The following IL16 variants were observed in gnomAD, a reference collection of about 807,000 sequenced individuals.
IL16 encodes the protein pro-interleukin-16.
A neutral mutation model predicts 110.1 loss-of-function variants in IL16; 67 were observed. That is an observed-to-expected ratio of 0.61 (90% CI 0.50 to 0.75). The LOEUF (loss-of-function observed/expected upper bound fraction) is 0.75. IL16 is among the 30% of genes least tolerant of loss of function. The probability of loss-of-function intolerance (pLI) is 0.00; values close to 1 mark genes in which losing one functional copy is unlikely to be tolerated. For synonymous variants in IL16, 689 were observed against 662.9 expected (o/e 1.04, Z -0.61); for missense variants, 1,545 against 1,655.0 (o/e 0.93, Z 1.15).
chr15:81,186,697 T>C (rs1037268834), intron 1 of IL16, among the ~76,000 whole-genome samples: 1 of 152,264 alleles, frequency 6.6e-6, no homozygotes, highest in Non-Finnish European at 1.5e-5. Context: ...GAGGAAAGAA[T>C]TGTAGTCAAC....
chr15:81,203,554 C>T (rs1470579439), intron 1 of IL16, among the ~76,000 whole-genome samples: 2 of 151,824 alleles, frequency 1.3e-5, no homozygotes, highest in East Asian at 1.9e-4. Context: ...AGCCAGTTTT[C>T]CCAGCACCAT....
At position 81,198,694 on chromosome 15, in the gene IL16, T is replaced by A. The variant is rs566603107; in HGVS notation, c.-102+1542T>A. On this transcript the variant is annotated intron_variant, in intron 1 of 18. Coordinates refer to ENST00000683961, the MANE Select transcript of IL16 (RefSeq NM_172217.5). Reference sequence around the variant, plus strand: ...GGTTCCCAGCAGTGGCCCAGGGGTATAGGAGTGAGAGGGAGGGAGGTACAC... The same window carrying A: ...GGTTCCCAGCAGTGGCCCAGGGGTAAAGGAGTGAGAGGGAGGGAGGTACAC... 9.4e-3 allele frequency among the ~76,000 whole-genome samples: 935 copies of A among 99,514 alleles called. 7 individuals carry two copies. The highest frequency in any genetic ancestry group is 0.011 in the Non-Finnish European group (607 of 55,930). The allele number at this position is 99,514 out of a possible 152,430, so 65.3% of individuals were successfully genotyped here.
intron 4 of IL16, among the ~76,000 whole-genome samples, chr15:81,266,573 T>G (rs1194810980): frequency 6.6e-6 from 1 of 152,302 alleles, no homozygotes; most frequent in East Asian, 1.9e-4. Flanking sequence ...AAGCACGCTG[T>G]GCTGCACGCT....
chr15:81,214,451 C>T (rs988604740), intron 1 of IL16, among the ~76,000 whole-genome samples: 22 of 152,160 alleles, frequency 1.4e-4, no homozygotes, highest in Non-Finnish European at 2.9e-4. Flanking sequence ...AATAGGCCCC[C>T]AATCTCTTCT....
chr15:81,311,263 C>G lies in IL16; in HGVS notation c.*2465C>G, dbSNP rs1449342483. Reference sequence around the variant, plus strand: ...AAAAAGGAATCCACTCCCAGGCAGCCCTACTTCTTTGCTTTGCCCAGCATT... The same window carrying G: ...AAAAAGGAATCCACTCCCAGGCAGCGCTACTTCTTTGCTTTGCCCAGCATT... On this transcript the variant is annotated 3_prime_UTR_variant, in exon 19 of 19. Coordinates refer to ENST00000683961, the MANE Select transcript of IL16 (RefSeq NM_172217.5). 1 of 152,212 alleles carries G rather than the reference C, an allele frequency of 6.6e-6. No individual in the cohort carries two copies. The highest frequency in any genetic ancestry group is 1.5e-5 in the Non-Finnish European group (1 of 68,036). The allele number at this position is 152,212 out of a possible 1,614,324, so 9.4% of individuals were successfully genotyped here. A position where few individuals can be genotyped will look rare whatever the true frequency, so the allele number is the denominator to read the frequency against.
rs572690852 is a variant in IL16, at chr15:81,300,451, C to T, written c.3125C>T (p.Ala1042Val). The change falls in exon 14 of 19, where the codon GCC becomes GTC. Residue 1042 changes from alanine to valine, a missense_variant. By Grantham distance (64) the Ala-to-Val change is moderately conservative. Around this residue, in one of 3 missense-constraint regions of IL16, gnomAD observed 356 missense variants for 399.3 expected, o/e 0.89. Transcript: ENST00000683961. The part of the protein sequence containing the change: ...SAANGSAETS[A>V]LDTGFSLNLS... ...GCAAATGGTTCTGCTGAAACATCTGCCTTGGACACAGGGTTCTCGCTCAAG... is the reference window on the plus strand; with the variant it reads ...GCAAATGGTTCTGCTGAAACATCTGTCTTGGACACAGGGTTCTCGCTCAAG... 114 of 1,613,574 alleles carry T rather than the reference C, an allele frequency of 7.1e-5. No homozygotes were observed. Among genetic ancestry groups the T allele is most frequent in the Non-Finnish European group, 9.5e-5 (112 of 1,179,546 alleles).
rs1898544156 is a variant in IL16, at chr15:81,269,595, G to A, written c.622G>A (p.Gly208Ser). 1.2e-6 allele frequency: 2 copies of A among 1,614,130 alleles called. No homozygotes were observed. The highest frequency in any genetic ancestry group is 2.7e-5 in the African/African-American group (2 of 75,034). Residue 208 changes from glycine (G) to serine (S), a missense_variant, in exon 5 of 19, where the codon GGC becomes AGC. By Grantham distance (56) the Gly-to-Ser change is moderately conservative. This residue lies in a region of IL16 where 1,185 missense variants were observed against 1,238.8 expected (regional missense o/e 0.96). Transcript: ENST00000683961. Reference sequence around the variant, plus strand: ...AGCTCAGCTCGTGCAGCCATCTGGGGGCCTCCAGGCTTCAGTCATCTCCAA... The same window carrying A: ...AGCTCAGCTCGTGCAGCCATCTGGGAGCCTCCAGGCTTCAGTCATCTCCAA... ...STAQLVQPSGGLQASVISNIV... is the reference protein window; with the variant it reads ...STAQLVQPSGSLQASVISNIV...
chr15:81,188,196 G>C (rs1895444437), intron 1 of IL16, among the ~76,000 whole-genome samples: 1 of 152,206 alleles, frequency 6.6e-6, no homozygotes, highest in Non-Finnish European at 1.5e-5. Context: ...CTAGCAAGAT[G>C]AATACAAAAA....
intron 2 of IL16, among the ~76,000 whole-genome samples, chr15:81,231,399 G>T (rs536541655): frequency 3.8e-5 from 5 of 130,986 alleles, no homozygotes; most frequent in Admixed American, 1.8e-4. Flanking sequence ...TTAAGACAGG[G>T]TCTTGCTTTG....
Position 81,265,716 on chromosome 15 carries a change from C to G in IL16, c.479C>G (p.Ala160Gly), listed in dbSNP as rs1898346853. Residue 160 changes from alanine (A) to glycine (G), a missense_variant, in exon 4 of 19, where the codon GCG (alanine) becomes GGG (glycine). This residue lies in a region of IL16 where 1,185 missense variants were observed against 1,238.8 expected (regional missense o/e 0.96). Transcript: ENST00000683961. The part of the protein sequence containing the change: ...IDFPMTKKSA[A>G]PTDRQPYSLC... ...TTTCCAATGACCAAGAAATCTGCAG[C>G]GCCCACGGACAGGCAGCCTTACTCT... 3 of 1,613,632 alleles carry G rather than the reference C, an allele frequency of 1.9e-6. No individual in the cohort carries two copies. The highest frequency in any genetic ancestry group is 2.5e-6 in the Non-Finnish European group (3 of 1,179,754).
intron 2 of IL16, among the ~76,000 whole-genome samples, chr15:81,233,393 G>A (rs1481055574): frequency 1.3e-5 from 2 of 151,064 alleles, no homozygotes; most frequent in East Asian, 3.9e-4. Context: ...TATTTTTTAG[G>A]CATTGGTAAA....
intron 2 of IL16, among the ~76,000 whole-genome samples, chr15:81,231,320 G>GTCTCTCTCTCTCTC: frequency 2.0e-5 from 1 of 50,982 alleles, no homozygotes; most frequent in African/African-American, 5.8e-5. Context: ...CCCAAGGTCG[G>GTCTCTCTCTCTCTC]TCTGTCTCTC....
At position 81,285,806 on chromosome 15, in the gene IL16, T is replaced by C. The variant is rs898048415; in HGVS notation, c.1308T>C (p.Ile436=). Reference sequence around the variant, plus strand: ...GTGATCCCGGTCCAGTCCCCATCATTGTTAGCCGACATCCAGACCCACAGG... The same window carrying C: ...GTGATCCCGGTCCAGTCCCCATCATCGTTAGCCGACATCCAGACCCACAGG... ...SHCDPGPVPI[I]VSRHPDPQVS... The change falls in exon 10 of 19, where the codon ATT becomes ATC. Residue 436 remains isoleucine, a synonymous_variant. Transcript: ENST00000683961. The C allele has an allele frequency of 4.3e-6, 7 of 1,614,110 alleles. No individual in the cohort carries two copies. Among genetic ancestry groups the C allele is most frequent in the African/African-American group, 2.7e-5 (2 of 74,938 alleles).
chr15:81,234,237 T>C (rs958461840), intron 2 of IL16, among the ~76,000 whole-genome samples: 4 of 152,124 alleles, frequency 2.6e-5, no homozygotes, highest in African/African-American at 4.8e-5. Context: ...TGTAGGTGTT[T>C]ACACTATTTA....
At chr15:81,240,458 A>G (rs1186938567) in intron 2 of IL16, among the ~76,000 whole-genome samples, 4 of 151,948 alleles carry the variant, frequency 2.6e-5, no homozygotes. Context: ...GGTTATACCA[A>G]TCTACCCTTC....
rs1900839751 is a variant in IL16 at position 81,311,296 on chromosome 15, T to C, written c.*2498T>C. ...TTTGCTTTGCCCAGCATTTTACTGA[T>C]TCATACATTATCTCACTTGTGCCAA... is the stretch of plus-strand genomic sequence containing the variant. On this transcript the variant is annotated 3_prime_UTR_variant, in exon 19 of 19. Transcript: ENST00000683961. 6.6e-6 allele frequency: 1 copy of C among 152,248 alleles called. No homozygotes were observed. Among genetic ancestry groups the C allele is most frequent in the Non-Finnish European group, 1.5e-5 (1 of 68,044 alleles). The allele number at this position is 152,248 out of a possible 1,614,324, so 9.4% of individuals were successfully genotyped here.
rs755261386 is a variant in IL16, at chr15:81,290,462, C to A, written c.1342C>A (p.Gln448Lys). The A allele has an allele frequency of 6.2e-7, 1 of 1,612,308 alleles. No individual in the cohort carries two copies. The highest frequency in any genetic ancestry group is 8.5e-7 in the Non-Finnish European group (1 of 1,179,076). ...SRHPDPQVSE[Q>K]QLKEAVAQAV... ...GACTGATATTTTCTAGGTCTCTGAA[C>A]AGCAACTCAAAGAAGCTGTGGCCCA... is the stretch of plus-strand genomic sequence containing the variant. The change falls in exon 11 of 19, where the codon CAG (glutamine) becomes AAG (lysine). Residue 448 changes from glutamine to lysine, a missense_variant. By Grantham distance (53) the Gln-to-Lys change is moderately conservative. Transcript: ENST00000683961.
intron 4 of IL16, 76 bp from the exon 5 acceptor site, chr15:81,269,462 T>A: frequency 1.0e-6 from 1 of 998,292 alleles, no homozygotes; most frequent in Non-Finnish European, 1.6e-6. Context: ...TTGGCTGGGC[T>A]TTTCCCCTTC....
intron 2 of IL16, among the ~76,000 whole-genome samples, chr15:81,228,189 A>G (rs1389628144): frequency 6.6e-6 from 1 of 152,126 alleles, no homozygotes; most frequent in Non-Finnish European, 1.5e-5. Flanking sequence ...CCTTGTACCT[A>G]TTCCACAGCA....
Sources: allele counts gnomAD v4.1 joint callset (sites outside exome capture counted in the v4.1 genomes callset), GRCh38; gene constraint gnomAD v4.1.1; regional missense constraint gnomAD v4.1.1; transcripts MANE v1.5; gene names NCBI Gene and HGNC (gene_info 2026-07-23, HGNC 2026-07-21).